Variants in KCNIP4 observed in about 807,000 individuals in gnomAD.
The protein encoded by KCNIP4 is potassium voltage-gated channel interacting protein 4.
A neutral mutation model predicts 34.0 loss-of-function variants in KCNIP4; 12 were observed. That is an observed-to-expected ratio of 0.35 (90% confidence interval 0.23 to 0.57). KCNIP4 has a LOEUF of 0.57. Ranked by LOEUF, KCNIP4 falls within the 20% of genes least tolerant of loss-of-function variation. The pLI is 0.83. For synonymous variants in KCNIP4, 124 were observed against 102.2 expected (o/e 1.21, Z -1.29); for missense variants, 238 against 311.7 (o/e 0.76, Z 1.78).
At chr4:21,233,904 AAT>A (rs933282067) in intron 1 of KCNIP4, among the ~76,000 whole-genome samples, 13 of 132,950 alleles carry the variant, frequency 9.8e-5, no homozygotes, top group Admixed American at 6.5e-4. Context: ...ACATATAACT[AAT>A]ATATATTATA....
chr4:21,102,958 GTA>G (rs1748077906), intron 1 of KCNIP4, among the ~76,000 whole-genome samples: 1 of 151,960 alleles, frequency 6.6e-6, no homozygotes, highest in Middle Eastern at 3.2e-3. Flanking sequence ...AGATTGGCTG[GTA>G]GGAAAAAAAG....
intron 1 of KCNIP4, among the ~76,000 whole-genome samples, chr4:21,239,797 A>T (rs1176567833): frequency 6.6e-6 from 1 of 152,202 alleles, no homozygotes; most frequent in Admixed American, 6.5e-5. Context: ...TAGTTCAACC[A>T]TTGTGGAAGA....
chr4:21,692,610 G>T (rs1711777738), intron 1 of KCNIP4, among the ~76,000 whole-genome samples: 3 of 151,972 alleles, frequency 2.0e-5, no homozygotes. Flanking sequence ...TAACATGGTG[G>T]TATTTTATAT....
At chr4:20,741,111 C>G (rs1016044316) in intron 5 of KCNIP4, among the ~76,000 whole-genome samples, 1 of 152,124 alleles carries the variant, frequency 6.6e-6, no homozygotes, top group African/African-American at 2.4e-5. Context: ...GACTCCCACA[C>G]AATAATAATG....
chr4:21,447,562 A>T (rs527445966), intron 1 of KCNIP4, among the ~76,000 whole-genome samples: 6 of 152,332 alleles, frequency 3.9e-5, no homozygotes, highest in Middle Eastern at 3.4e-3. Context: ...AACCACAGAT[A>T]GTAGCAAATC....
rs148687297 is a variant in KCNIP4, at chr4:21,110,606, C to T, written c.62-227897G>A. Reference sequence around the variant, plus strand: ...AAATGGAATGTTTGTATTCCTCCAACGTTTTTGTTGTTGTTGTGTGTTTGT... The same window carrying T: ...AAATGGAATGTTTGTATTCCTCCAATGTTTTTGTTGTTGTTGTGTGTTTGT... On this transcript the variant is annotated intron_variant, in intron 1 of 8. Coordinates refer to ENST00000382152, the MANE Select transcript of KCNIP4 (RefSeq NM_025221.6). Among the ~76,000 whole-genome samples, 43 of 152,236 alleles carry T rather than the reference C, an allele frequency of 2.8e-4. No homozygotes were observed. In the East Asian group the frequency reaches 5.8e-3, roughly 21 times the overall value.
chr4:21,364,904 A>G (rs899463617), intron 1 of KCNIP4, among the ~76,000 whole-genome samples: 4 of 152,182 alleles, frequency 2.6e-5, no homozygotes, highest in African/African-American at 9.7e-5. Context: ...TCCTTTGCAT[A>G]AAGTCAGAAA....
At chr4:21,366,752 G>C (rs1156644032) in intron 1 of KCNIP4, among the ~76,000 whole-genome samples, 1 of 151,948 alleles carries the variant, frequency 6.6e-6, no homozygotes, top group African/African-American at 2.4e-5. Context: ...AGTAGAATGA[G>C]GAACAGAGAG....
At chr4:21,143,083 C>T (rs892396984) in intron 1 of KCNIP4, among the ~76,000 whole-genome samples, 12 of 152,160 alleles carry the variant, frequency 7.9e-5, no homozygotes, top group Non-Finnish European at 1.0e-4. Flanking sequence ...CCCCAACATT[C>T]AGGTTTCCTA....
chr4:21,140,821 C>T (rs1159725445), intron 1 of KCNIP4, among the ~76,000 whole-genome samples: 1 of 152,138 alleles, frequency 6.6e-6, no homozygotes, highest in Admixed American at 6.5e-5. Context: ...AAGTCCCTGT[C>T]CATCTGCTAT....
chr4:20,810,870 T>C (rs1715665637), intron 3 of KCNIP4, among the ~76,000 whole-genome samples: 1 of 152,218 alleles, frequency 6.6e-6, no homozygotes, highest in African/African-American at 2.4e-5. Context: ...TTTCCTTAAA[T>C]GCAGCTGATT....
chr4:21,781,279 T>C (rs6822291), intron 1 of KCNIP4, among the ~76,000 whole-genome samples: 97,417 of 151,898 alleles, frequency 0.64, 32,368 homozygotes, highest in Non-Finnish European at 0.73. Flanking sequence ...AAGGTCCTTG[T>C]TTCCCTTTCA....
chr4:21,779,537 A>G (rs921393921), intron 1 of KCNIP4, among the ~76,000 whole-genome samples: 4 of 152,214 alleles, frequency 2.6e-5, no homozygotes, highest in Non-Finnish European at 5.9e-5. Context: ...ATTGTACACC[A>G]TAAATATATA....
intron 3 of KCNIP4, among the ~76,000 whole-genome samples, chr4:20,828,951 C>T (rs1022568847): frequency 2.0e-5 from 3 of 152,166 alleles, no homozygotes; most frequent in Non-Finnish European, 4.4e-5. Flanking sequence ...AGAAACCCCC[C>T]TTTAGGCCTC....
chr4:21,234,411 C>CGT (rs1759164713), intron 1 of KCNIP4, among the ~76,000 whole-genome samples: 2 of 111,936 alleles, frequency 1.8e-5, no homozygotes, highest in South Asian at 2.8e-4. Context: ...TATTATATAA[C>CGT]ATATACTATA....
intron 1 of KCNIP4, among the ~76,000 whole-genome samples, chr4:21,868,966 A>G (rs1291369714): frequency 6.6e-6 from 1 of 152,248 alleles, no homozygotes; most frequent in East Asian, 1.9e-4. Flanking sequence ...TGGGAAAACC[A>G]GTAGAAGTTC....
chr4:21,259,489 A>G (rs9998813), intron 1 of KCNIP4, among the ~76,000 whole-genome samples: 1 of 151,998 alleles, frequency 6.6e-6, no homozygotes, highest in Non-Finnish European at 1.5e-5. Flanking sequence ...TTTTTACACC[A>G]TTTAATCCTA....
intron 1 of KCNIP4, among the ~76,000 whole-genome samples, chr4:21,488,307 T>A (rs769754186): frequency 2.0e-4 from 30 of 152,162 alleles, no homozygotes; most frequent in Non-Finnish European, 3.7e-4. Flanking sequence ...CATCCATTTA[T>A]TTAATTGTTC....
In KCNIP4 at chr4:21,365,691, C is replaced by T. The variant is rs1464374715; in HGVS notation, c.62-482982G>A. Among the ~76,000 whole-genome samples, 7 of 151,882 alleles carry T rather than the reference C, an allele frequency of 4.6e-5. No individual in the cohort carries two copies. The South Asian group carries it at 6.2e-4, about 14-fold the overall frequency. ...ACCCAATAGCTATTTATTCTGTTCC[C>T]GTTGTTGTTATTAACCTTGGCAGCA... On this transcript the variant is annotated intron_variant, in intron 1 of 8. Transcript: ENST00000382152.
Sources: gnomAD v4.1 joint callset for allele counts (sites outside exome capture counted in the v4.1 genomes callset) on GRCh38, gnomAD v4.1.1 for gene constraint, MANE v1.5 for transcripts, NCBI Gene and HGNC (gene_info 2026-07-23, HGNC 2026-07-21) for gene names.